PPM1H: variants seen among roughly 807,000 people sequenced by gnomAD.
PPM1H encodes protein phosphatase, Mg2+/Mn2+ dependent 1H, also known as protein phosphatase 1H.
In PPM1H, 27 loss-of-function variants were observed where a neutral mutation model predicts 54.9. The ratio of observed to expected loss-of-function variants is 0.49; its 90% CI spans 0.36 to 0.68. The LOEUF (loss-of-function observed/expected upper bound fraction) is 0.68, where lower values mean the gene tolerates loss of function less well. PPM1H is among the 30% of genes least tolerant of loss of function. The probability of loss-of-function intolerance (pLI) is 0.00; values close to 1 mark genes in which losing one functional copy is unlikely to be tolerated. For missense variants in PPM1H, 596 were observed against 667.8 expected (o/e 0.89, Z 1.19); for synonymous variants, 305 against 270.8 (o/e 1.13, Z -1.24).
At chr12:62,773,955 G>A (rs7302967) in intron 4 of PPM1H, among the ~76,000 whole-genome samples, 27,641 of 152,128 alleles carry the variant, frequency 0.18, 3,038 homozygotes, top group African/African-American at 0.3. Context: ...AACCTAACAA[G>A]ATTGAAGGGA....
chr12:62,668,149 G>T (rs957273487), intron 8 of PPM1H, among the ~76,000 whole-genome samples: 1 of 152,164 alleles, frequency 6.6e-6, no homozygotes, highest in Non-Finnish European at 1.5e-5. Flanking sequence ...GGCAAAACTA[G>T]TAAGAATAAA....
intron 1 of PPM1H, among the ~76,000 whole-genome samples, chr12:62,859,822 G>T (rs549017840): frequency 2.0e-4 from 31 of 152,292 alleles, no homozygotes; most frequent in African/African-American, 7.5e-4. Flanking sequence ...TGCTGTGGGG[G>T]CCACCTTCTG....
intron 1 of PPM1H, among the ~76,000 whole-genome samples, chr12:62,862,460 G>C (rs1281874391): frequency 6.6e-6 from 1 of 152,170 alleles, no homozygotes; most frequent in Non-Finnish European, 1.5e-5. Context: ...AGTCTTCAAG[G>C]CTTTCAGATG....
chr12:62,774,496 C>A (rs2076598300), intron 4 of PPM1H, among the ~76,000 whole-genome samples: 1 of 152,160 alleles, frequency 6.6e-6, no homozygotes, highest in Non-Finnish European at 1.5e-5. Flanking sequence ...TGTGTGCCAC[C>A]ACATCTGGCT....
At chr12:62,878,720 AC>A (rs1397053462) in intron 1 of PPM1H, among the ~76,000 whole-genome samples, 1 of 150,744 alleles carries the variant, frequency 6.6e-6, no homozygotes, top group African/African-American at 2.4e-5. Flanking sequence ...CAGGTGGATC[AC>A]TTGAGGTCAG....
intron 6 of PPM1H, among the ~76,000 whole-genome samples, chr12:62,699,847 C>A (rs909522418): frequency 2.0e-5 from 3 of 152,182 alleles, no homozygotes; most frequent in Non-Finnish European, 4.4e-5. Context: ...AATCTAGGAA[C>A]CTTACCCAAC....
rs187307246 is a variant in PPM1H, at chr12:62,762,954, C to G, written c.869+25272G>C. On this transcript the variant is annotated intron_variant, in intron 4 of 9. Coordinates refer to ENST00000228705, the MANE Select transcript of PPM1H (RefSeq NM_020700.2). The stretch of plus-strand genomic sequence containing the variant: ...CTGAAGAACTGTGCATGATTCAATC[C>G]TTCCTCTTATTGAAAGGAAAGAAAC... Among the ~76,000 whole-genome samples, 4 of 151,858 alleles carry G rather than the reference C, an allele frequency of 2.6e-5. No homozygotes were observed. In the East Asian group the frequency reaches 7.7e-4, roughly 29 times the overall value.
chr12:62,873,249 C>T (rs139259902), intron 1 of PPM1H, among the ~76,000 whole-genome samples: 58 of 152,272 alleles, frequency 3.8e-4, no homozygotes, highest in African/African-American at 1.3e-3. Flanking sequence ...CAGGCTACTG[C>T]CTAGGATAAC....
intron 4 of PPM1H, among the ~76,000 whole-genome samples, chr12:62,780,841 C>G (rs1318560166): frequency 6.6e-6 from 1 of 152,172 alleles, no homozygotes; most frequent in East Asian, 1.9e-4. Context: ...AAAGTTTCCT[C>G]CTGGCACTGA....
intron 1 of PPM1H, among the ~76,000 whole-genome samples, chr12:62,871,471 A>G (rs1395588995): frequency 6.6e-6 from 1 of 151,566 alleles, no homozygotes; most frequent in Non-Finnish European, 1.5e-5. Context: ...TAGTGGTTAG[A>G]CAACCTTGTG....
intron 2 of PPM1H, among the ~76,000 whole-genome samples, chr12:62,815,721 T>C (rs950020086): frequency 2.6e-5 from 4 of 152,200 alleles, no homozygotes; most frequent in African/African-American, 9.6e-5. Flanking sequence ...TAGTACCTGT[T>C]ATAACCAATT....
chr12:62,683,107 T>C (rs2076032171), intron 8 of PPM1H, among the ~76,000 whole-genome samples: 1 of 149,732 alleles, frequency 6.7e-6, no homozygotes, highest in African/African-American at 2.5e-5. Flanking sequence ...CAAGGTTTTC[T>C]CCATGTTGCC....
At chr12:62,902,989 CT>C (rs1255711743) in intron 1 of PPM1H, among the ~76,000 whole-genome samples, 1 of 152,088 alleles carries the variant, frequency 6.6e-6, no homozygotes, top group Non-Finnish European at 1.5e-5. Flanking sequence ...TTGATCACTG[CT>C]TTTTTACAAG....
intron 1 of PPM1H, among the ~76,000 whole-genome samples, chr12:62,857,438 A>AC (rs1184878052): frequency 5.3e-5 from 8 of 152,200 alleles, no homozygotes; most frequent in Admixed American, 5.2e-4. Context: ...TGTAGTTGTT[A>AC]CCCAACTAAT....
intron 4 of PPM1H, among the ~76,000 whole-genome samples, chr12:62,741,859 G>A (rs1408068290): frequency 6.6e-6 from 1 of 152,162 alleles, no homozygotes; most frequent in Admixed American, 6.5e-5. Context: ...CTTGAGTGGA[G>A]GAACAGAAGA....
chr12:62,675,627 T>G (rs1433832661), intron 8 of PPM1H, among the ~76,000 whole-genome samples: 2 of 152,238 alleles, frequency 1.3e-5, no homozygotes, highest in Non-Finnish European at 2.9e-5. Context: ...CCAATAGTTT[T>G]GATTTGCGCC....
At position 62,755,179 on chromosome 12, in the gene PPM1H, C is replaced by A. The variant is rs192713867; in HGVS notation, c.870-17593G>T. 4 of 572,394 alleles carry A rather than the reference C, an allele frequency of 7.0e-6. No homozygotes were observed. The Admixed American group carries it at 8.9e-5, about 13-fold the overall frequency. 35.5% of individuals were successfully genotyped at this position (572,394 alleles called of 1,614,324 possible). A position where few individuals can be genotyped will look rare whatever the true frequency, so the allele number is the denominator to read the frequency against. The stretch of plus-strand genomic sequence containing the variant: ...CTCTCTGCTCCTCCCATTTGACAGA[C>A]AGCCGCCTCTTCTCTCTCATTGACA... On this transcript the variant is annotated intron_variant, in intron 4 of 9. Coordinates refer to ENST00000228705, the MANE Select transcript of PPM1H (RefSeq NM_020700.2).
At chr12:62,876,667 C>T (rs12823199) in intron 1 of PPM1H, among the ~76,000 whole-genome samples, 4,290 of 152,260 alleles carry the variant, frequency 0.028, 89 homozygotes, top group Middle Eastern at 0.054. Flanking sequence ...AGAGCGGAAA[C>T]CAGCTGAACA....
intron 6 of PPM1H, among the ~76,000 whole-genome samples, chr12:62,701,491 G>A (rs2076143716): frequency 6.6e-6 from 1 of 152,102 alleles, no homozygotes; most frequent in African/African-American, 2.4e-5. Flanking sequence ...TAGCTGGGAG[G>A]CCTGCTAGCA....
Sources: gnomAD v4.1 joint callset for allele counts (sites outside exome capture counted in the v4.1 genomes callset) on GRCh38, gnomAD v4.1.1 for gene constraint, MANE v1.5 for transcripts, NCBI Gene and HGNC (gene_info 2026-07-23, HGNC 2026-07-21) for gene names.